BMPER: variants seen among roughly 807,000 people sequenced by gnomAD.
The protein encoded by BMPER is BMP binding endothelial regulator.
BMPER carries 45 observed loss-of-function variants against 87.3 expected under a neutral mutation model. That is an observed-to-expected ratio of 0.52 (90% CI 0.41 to 0.66). The LOEUF (loss-of-function observed/expected upper bound fraction) is 0.66, where lower values mean the gene tolerates loss of function less well. Ranked by LOEUF, BMPER falls within the 30% of genes least tolerant of loss-of-function variation. BMPER has a pLI of 0.00. For missense variants in BMPER, 784 were observed against 867.5 expected (o/e 0.90, Z 1.21); for synonymous variants, 326 against 316.2 (o/e 1.03, Z -0.33).
chr7:34,073,499 T>A (rs573387058), intron 11 of BMPER, among the ~76,000 whole-genome samples: 45 of 152,298 alleles, frequency 3.0e-4, no homozygotes, highest in Admixed American at 2.0e-4. Context: ...GTCACTCATG[T>A]GGTTTGTTGT....
intron 14 of BMPER, among the ~76,000 whole-genome samples, chr7:34,144,993 A>G (rs540845802): frequency 6.6e-6 from 1 of 152,344 alleles, no homozygotes; most frequent in South Asian, 2.1e-4. Flanking sequence ...GTGTACAGAC[A>G]TTGCGTTCAC....
In BMPER at chr7:34,079,008, C is replaced by T; in HGVS notation, c.1230C>T (p.Arg410=). 1 of 1,614,248 alleles carries T rather than the reference C, an allele frequency of 6.2e-7. No homozygotes were observed. Among genetic ancestry groups the T allele is most frequent in the Non-Finnish European group, 8.5e-7 (1 of 1,180,034 alleles). The change falls in exon 12 of 15, where the codon CGC becomes CGT. Residue 410 remains arginine (R), a synonymous_variant. Coordinates refer to ENST00000649409, the MANE Select transcript of BMPER (RefSeq NM_001365308.1). The part of the protein sequence containing the change: ...PFQVLVKNDA[R]RTRSFSWTKS... ...AGGTGCTGGTGAAGAACGACGCCCG[C>T]CGGACACGCTCCTTCTCGTGGACCA...
At position 34,153,467 on chromosome 7, in the gene BMPER, A is replaced by G. The variant is rs1791237180; in HGVS notation, c.*194A>G. On this transcript the variant is annotated 3_prime_UTR_variant, in exon 15 of 15. Transcript: ENST00000649409. The stretch of plus-strand genomic sequence containing the variant: ...GAACTATAGGGGGATTATTATATGT[A>G]TATTTTTTGCTATAAGACATGTATT... The G allele has an allele frequency of 4.9e-6, 3 of 616,262 alleles. No individual in the cohort carries two copies. Among genetic ancestry groups the G allele is most frequent in the Admixed American group, 6.1e-5 (2 of 32,860 alleles). The allele number at this position is 616,262 out of a possible 1,614,324, so 38.2% of individuals were successfully genotyped here.
chr7:33,914,192 C>T (rs1327121981), intron 2 of BMPER, among the ~76,000 whole-genome samples: 2 of 152,012 alleles, frequency 1.3e-5, no homozygotes, highest in African/African-American at 4.8e-5. Context: ...GTCTCGATCT[C>T]CTGACCTCGT....
At chr7:33,968,860 A>G (rs1785468022) in intron 4 of BMPER, among the ~76,000 whole-genome samples, 1 of 152,218 alleles carries the variant, frequency 6.6e-6, no homozygotes, top group African/African-American at 2.4e-5. Context: ...TTTGAAGATC[A>G]TGGACAGGAA....
intron 13 of BMPER, among the ~76,000 whole-genome samples, chr7:34,094,466 C>T (rs1394098642): frequency 6.6e-6 from 1 of 152,216 alleles, no homozygotes; most frequent in Non-Finnish European, 1.5e-5. Context: ...CTGGGAAGAG[C>T]CAGTGAGGAG....
intron 13 of BMPER, among the ~76,000 whole-genome samples, chr7:34,114,256 A>G (rs553341214): frequency 6.6e-6 from 1 of 152,324 alleles, no homozygotes; most frequent in Non-Finnish European, 1.5e-5. Context: ...GTGCTGCTGC[A>G]AATTCAGCCA....
intron 13 of BMPER, among the ~76,000 whole-genome samples, chr7:34,122,901 C>A (rs751746187): frequency 6.6e-6 from 1 of 152,162 alleles, no homozygotes; most frequent in African/African-American, 2.4e-5. Context: ...ATATAATGCT[C>A]TTCTCAGAGT....
chr7:33,994,930 T>C (rs576406857), intron 6 of BMPER, among the ~76,000 whole-genome samples: 1 of 152,292 alleles, frequency 6.6e-6, no homozygotes, highest in East Asian at 1.9e-4. Context: ...GGCCTTCACT[T>C]TCCCAGGAAG....
At chr7:34,072,458 A>G (rs1725121044) in intron 11 of BMPER, among the ~76,000 whole-genome samples, 1 of 149,146 alleles carries the variant, frequency 6.7e-6, no homozygotes, top group African/African-American at 2.5e-5. Flanking sequence ...TTCCTTTTCC[A>G]GCTTCTGAAG....
chr7:34,041,805 T>G (rs1332318304), intron 6 of BMPER, among the ~76,000 whole-genome samples: 1 of 152,182 alleles, frequency 6.6e-6, no homozygotes, highest in Non-Finnish European at 1.5e-5. Context: ...CTCTATTTTT[T>G]TCCCCAAAGA....
intron 13 of BMPER, among the ~76,000 whole-genome samples, chr7:34,128,644 TATA>T (rs1790465040): frequency 6.6e-6 from 1 of 152,246 alleles, no homozygotes; most frequent in South Asian, 2.1e-4. Context: ...TTTTATGTTA[TATA>T]ATGTGTTTGA....
intron 13 of BMPER, among the ~76,000 whole-genome samples, chr7:34,129,577 G>GGAGAGAGAGAGAGAGA (rs759886152): frequency 9.0e-4 from 43 of 47,752 alleles, no homozygotes; most frequent in African/African-American, 2.0e-3. Context: ...AAGGAAGGAA[G>GGAGAGAGAGAGAGAGA]GAGAGAGAGA....
chr7:34,080,103 C>G (rs1215682424), intron 12 of BMPER, among the ~76,000 whole-genome samples: 2 of 152,098 alleles, frequency 1.3e-5, no homozygotes, highest in African/African-American at 4.8e-5. Context: ...CTTTGGCATA[C>G]TCTATTTTTT....
At chr7:34,062,979 TACAG>T (rs1469691372) in intron 11 of BMPER, among the ~76,000 whole-genome samples, 2 of 152,182 alleles carry the variant, frequency 1.3e-5, no homozygotes, top group Admixed American at 6.5e-5. Context: ...CTACTGATCA[TACAG>T]ACAGAGCATA....
At chr7:33,978,421 T>C (rs569304474) in intron 6 of BMPER, among the ~76,000 whole-genome samples, 1 of 152,328 alleles carries the variant, frequency 6.6e-6, no homozygotes, top group Non-Finnish European at 1.5e-5. Context: ...TGAGCTACCA[T>C]TGTGTGTGAC....
At chr7:34,129,610 A>AGAGAGAGAAAGAGAGAG (rs1790507400) in intron 13 of BMPER, among the ~76,000 whole-genome samples, 1 of 69,644 alleles carries the variant, frequency 1.4e-5, no homozygotes, top group African/African-American at 5.7e-5. Context: ...GAGAGAGAGA[A>AGAGAGAGAAAGAGAGAG]AGAGAGAGAG....
intron 13 of BMPER, among the ~76,000 whole-genome samples, chr7:34,127,753 C>G (rs1383770910): frequency 3.3e-5 from 5 of 152,150 alleles, no homozygotes; most frequent in African/African-American, 1.2e-4. Flanking sequence ...TTTTCAGGCT[C>G]TATACATTCT....
chr7:33,952,607 A>G (rs534890576), intron 3 of BMPER, among the ~76,000 whole-genome samples: 1 of 152,268 alleles, frequency 6.6e-6, no homozygotes, highest in East Asian at 1.9e-4. Flanking sequence ...CTGAAACTGA[A>G]AGTATGTCCA....
Sources: allele counts gnomAD v4.1 joint callset (sites outside exome capture counted in the v4.1 genomes callset), GRCh38; gene constraint gnomAD v4.1.1; transcripts MANE v1.5; gene names NCBI Gene and HGNC (gene_info 2026-07-23, HGNC 2026-07-21).